Variants in CEP192 observed in about 807,000 individuals in gnomAD.
CEP192 encodes the protein centrosomal protein 192.
Under a neutral mutation model 271.8 loss-of-function variants are expected in CEP192, and 151 were observed. The observed-to-expected ratio is 0.56, with a 90% CI of 0.49 to 0.64. The LOEUF is 0.64. Ranked by LOEUF, CEP192 falls within the 30% of genes least tolerant of loss-of-function variation. The pLI is 0.00. For missense variants in CEP192, 2,910 were observed against 3,020.5 expected, an observed-to-expected ratio of 0.96 and a Z score of 0.86; for synonymous variants, 995 against 1,076.5, an observed-to-expected ratio of 0.92 and a Z score of 1.48.
intron 30 of CEP192, among the ~76,000 whole-genome samples, chr18:13,074,725 C>T (rs955729706): frequency 1.3e-5 from 2 of 152,124 alleles, no homozygotes; most frequent in South Asian, 4.1e-4. Context: ...TATTATTTCA[C>T]AAGAAGACTC....
chr18:12,994,736 G>A (rs946944305), intron 1 of CEP192, among the ~76,000 whole-genome samples: 7 of 152,178 alleles, frequency 4.6e-5, no homozygotes, highest in African/African-American at 1.7e-4. Context: ...GGTAAAGCCT[G>A]TAATTTCCAG....
Position 13,017,110 on chromosome 18 carries a change from A to G in CEP192, c.641-78A>G, listed in dbSNP as rs1399764455. The G allele has an allele frequency of 6.9e-6, 8 of 1,155,388 alleles. No individual in the cohort carries two copies. The Admixed American group carries it at 8.2e-5, about 12-fold the overall frequency. The allele number at this position is 1,155,388 out of a possible 1,614,324, so 71.6% of individuals were successfully genotyped here. A position where few individuals can be genotyped will look rare whatever the true frequency, so the allele number is the denominator to read the frequency against. On this transcript the variant is annotated intron_variant, in intron 6 of 44. Transcript: ENST00000506447. The stretch of plus-strand genomic sequence containing the variant: ...TAGTCCATTGACTCATTTATGTCTT[A>G]TCGGCCTTTTTAATTACAAATTATT...
chr18:13,000,068 CTG>C (rs2145786929), intron 2 of CEP192, among the ~76,000 whole-genome samples: 1 of 124,006 alleles, frequency 8.1e-6, no homozygotes, highest in Admixed American at 8.7e-5. Flanking sequence ...CTATTTCTCT[CTG>C]TATAACTCAT....
chr18:13,098,313 G>C (rs1205526657), intron 36 of CEP192, among the ~76,000 whole-genome samples: 6 of 151,778 alleles, frequency 4.0e-5, no homozygotes, highest in Non-Finnish European at 8.8e-5. Context: ...GGCTGGCCTG[G>C]CGGGGGCTGA....
chr18:13,110,446 A>G (rs919065259), intron 40 of CEP192, among the ~76,000 whole-genome samples: 31 of 149,734 alleles, frequency 2.1e-4, no homozygotes, highest in African/African-American at 7.4e-4. Flanking sequence ...TTTTTTTTTT[A>G]ATAAGGGCAC....
At chr18:13,038,605 C>T in intron 13 of CEP192, 26 bp downstream of exon 13, 1 of 1,486,212 alleles carries the variant, frequency 6.7e-7, no homozygotes, top group Non-Finnish European at 9.2e-7. Flanking sequence ...GTTGGAAGTG[C>T]TCACAGTCAC....
At chr18:13,052,496 TG>T (rs1443571316) in intron 17 of CEP192, among the ~76,000 whole-genome samples, 2 of 152,228 alleles carry the variant, frequency 1.3e-5, no homozygotes, top group African/African-American at 4.8e-5. Context: ...ACTGCTTAAT[TG>T]CTCAACCAAA....
At chr18:13,025,779 A>G (rs2035262074) in intron 9 of CEP192, among the ~76,000 whole-genome samples, 1 of 152,172 alleles carries the variant, frequency 6.6e-6, no homozygotes. Context: ...ATATAAGTAA[A>G]TATAAGCATA....
chr18:13,091,706 C>T (rs1256433637), intron 33 of CEP192, among the ~76,000 whole-genome samples: 1 of 152,142 alleles, frequency 6.6e-6, no homozygotes, highest in African/African-American at 2.4e-5. Flanking sequence ...GACTCAAAGA[C>T]TATCTAATTT....
chr18:13,048,890 G>C lies in CEP192; in HGVS notation c.2099G>C (p.Arg700Thr), dbSNP rs544417355. The C allele has an allele frequency of 6.2e-6, 10 of 1,607,148 alleles. No individual in the cohort carries two copies. Among genetic ancestry groups the C allele is most frequent in the Non-Finnish European group, 8.5e-6 (10 of 1,175,910 alleles). ...DTFFMSNKPQ[R>T]YKDKLPDSGD... Reference sequence around the variant, plus strand: ...TTCTTCATGAGCAACAAACCCCAAAGATACAAAGACAAGCTACCAGATAGT... The same window carrying C: ...TTCTTCATGAGCAACAAACCCCAAACATACAAAGACAAGCTACCAGATAGT... The change falls in exon 16 of 45, where the codon AGA (arginine) becomes ACA (threonine). Residue 700 changes from arginine to threonine, a missense_variant. Coordinates refer to ENST00000506447, the MANE Select transcript of CEP192 (RefSeq NM_032142.4).
intron 33 of CEP192, among the ~76,000 whole-genome samples, chr18:13,092,175 T>C (rs558782199): frequency 9.9e-5 from 15 of 152,198 alleles, no homozygotes; most frequent in South Asian, 2.1e-4. Flanking sequence ...TAGTTCAAAT[T>C]CAGGTTCCAA....
At position 13,001,496 on chromosome 18, in the gene CEP192, A is replaced by AT; in HGVS notation, c.208dup (p.Ser70PhefsTer13). The stretch of plus-strand genomic sequence containing the variant: ...AGGCATCTTACTTAGTAGAAGGGAG[A>AT]TTTTCAGTTCCATCCGGGTCATCTC... On this transcript the variant is annotated frameshift_variant, in exon 3 of 45. Coordinates refer to ENST00000506447, the MANE Select transcript of CEP192 (RefSeq NM_032142.4). LOFTEE classifies it high-confidence loss of function. 1 of 1,550,386 alleles carries AT rather than the reference A, an allele frequency of 6.5e-7. No homozygotes were observed. Among genetic ancestry groups the AT allele is most frequent in the Non-Finnish European group, 8.7e-7 (1 of 1,146,164 alleles).
chr18:12,999,448 A>T lies in CEP192; in HGVS notation c.24A>T (p.Ala8=). 1 of 1,549,134 alleles carries T rather than the reference A, an allele frequency of 6.5e-7. No homozygotes were observed. The highest frequency in any genetic ancestry group is 8.7e-7 in the Non-Finnish European group (1 of 1,146,178). The part of the protein sequence containing the change: MEDFRGI[A]EESFPSFLTN... Reference sequence around the variant, plus strand: ...AGATGGAAGATTTTCGAGGTATAGCAGAAGAATCATTTCCAAGCTTTCTCA... The same window carrying T: ...AGATGGAAGATTTTCGAGGTATAGCTGAAGAATCATTTCCAAGCTTTCTCA... Residue 8 remains alanine (A), a synonymous_variant, in exon 2 of 45, where the codon GCA becomes GCT. Transcript: ENST00000506447.
At chr18:13,051,917 T>C (rs1414442698) in intron 17 of CEP192, among the ~76,000 whole-genome samples, 1 of 152,234 alleles carries the variant, frequency 6.6e-6, no homozygotes, top group East Asian at 1.9e-4. Flanking sequence ...CTGAGTATTC[T>C]GAACTTTGTA....
At chr18:13,114,717 A>G (rs1041306433) in intron 42 of CEP192, among the ~76,000 whole-genome samples, 1 of 152,210 alleles carries the variant, frequency 6.6e-6, no homozygotes, top group Admixed American at 6.5e-5. Context: ...ATTTCTAAAG[A>G]TGACATACAT....
chr18:13,003,609 G>A (rs926020032), intron 3 of CEP192, among the ~76,000 whole-genome samples: 2 of 152,134 alleles, frequency 1.3e-5, no homozygotes, highest in African/African-American at 4.8e-5. Context: ...GAGCACCAGG[G>A]AGGCTGGGGA....
intron 4 of CEP192, among the ~76,000 whole-genome samples, chr18:13,011,001 C>T (rs28880030): frequency 0.12 from 18,681 of 151,864 alleles, 1,668 homozygotes; most frequent in African/African-American, 0.24. Flanking sequence ...CCGAGGTGAG[C>T]GGATCATTTG....
chr18:13,113,895 T>C (rs2040317430), intron 41 of CEP192, among the ~76,000 whole-genome samples, 190 bp downstream of exon 41: 1 of 152,170 alleles, frequency 6.6e-6, no homozygotes, highest in South Asian at 2.1e-4. Flanking sequence ...ATGAAACCCA[T>C]GTTTGACTTA....
intron 1 of CEP192, among the ~76,000 whole-genome samples, chr18:12,998,981 G>A (rs527751891): frequency 1.3e-5 from 2 of 152,156 alleles, no homozygotes; most frequent in South Asian, 2.1e-4. Context: ...ACTGAGATCC[G>A]GGCTAGATTT....
Sources: allele counts gnomAD v4.1 joint callset (sites outside exome capture counted in the v4.1 genomes callset), GRCh38; gene constraint gnomAD v4.1.1; transcripts MANE v1.5; gene names NCBI Gene and HGNC (gene_info 2026-07-23, HGNC 2026-07-21).